The following PCMT1 variants were observed in gnomAD, a reference collection of about 807,000 sequenced individuals.
The protein encoded by PCMT1 is protein-L-isoaspartate(D-aspartate) O-methyltransferase.
A neutral mutation model predicts 29.2 loss-of-function variants in PCMT1; 9 were observed. The ratio of observed to expected loss-of-function variants is 0.31; its 90% CI spans 0.19 to 0.54. PCMT1 has a LOEUF of 0.54. PCMT1 is among the 20% of genes least tolerant of loss of function. The pLI is 0.95. For missense variants in PCMT1, 184 were observed against 282.2 expected (o/e 0.65, Z 2.49); for synonymous variants, 98 against 97.5 (o/e 1.00, Z -0.03).
At chr6:149,801,997 C>T (rs763917230) in intron 6 of PCMT1, among the ~76,000 whole-genome samples, 1 of 151,940 alleles carries the variant, frequency 6.6e-6, no homozygotes, top group Non-Finnish European at 1.5e-5. Flanking sequence ...GGCATGGTGG[C>T]GTGTGCCTGT....
intron 1 of PCMT1, among the ~76,000 whole-genome samples, chr6:149,758,881 T>C (rs11155679): frequency 0.31 from 47,060 of 151,922 alleles, 8,156 homozygotes; most frequent in East Asian, 0.49. Flanking sequence ...TGTGAATTTT[T>C]TTTTTCTTTT....
chr6:149,802,552 G>T, intron 7 of PCMT1, 136 bp downstream of exon 7: 1 of 1,234,554 alleles, frequency 8.1e-7, no homozygotes. Context: ...CCCTTATTTT[G>T]GTTTAACATA....
intron 3 of PCMT1, among the ~76,000 whole-genome samples, chr6:149,782,034 G>T (rs1176546564): frequency 6.6e-6 from 1 of 151,852 alleles, no homozygotes; most frequent in Non-Finnish European, 1.5e-5. Flanking sequence ...ATTTCACTTA[G>T]CATATGTCAT....
At chr6:149,800,586 T>C (rs1775798772) in intron 6 of PCMT1, among the ~76,000 whole-genome samples, 1 of 152,192 alleles carries the variant, frequency 6.6e-6, no homozygotes, top group Non-Finnish European at 1.5e-5. Context: ...GGTAACATGA[T>C]TTAAAAGTTT....
chr6:149,779,681 G>A (rs1787734905), intron 3 of PCMT1, among the ~76,000 whole-genome samples: 1 of 152,008 alleles, frequency 6.6e-6, no homozygotes, highest in South Asian at 2.1e-4. Flanking sequence ...GTGGTGGCAG[G>A]AGCCTATAAT....
chr6:149,797,841 G>A (rs1377879947), intron 6 of PCMT1: 2 of 151,990 alleles, frequency 1.3e-5, no homozygotes, highest in African/African-American at 2.4e-5. Context: ...CCAAGTGACT[G>A]GGAAAATGAC....
intron 1 of PCMT1, among the ~76,000 whole-genome samples, chr6:149,770,424 G>A (rs989960187): frequency 2.0e-5 from 3 of 151,982 alleles, no homozygotes; most frequent in African/African-American, 7.3e-5. Flanking sequence ...TAAAGACCAG[G>A]TTGGGCTGGG....
chr6:149,781,886 A>G (rs1299600953), intron 3 of PCMT1, among the ~76,000 whole-genome samples: 3 of 152,144 alleles, frequency 2.0e-5, no homozygotes, highest in Non-Finnish European at 4.4e-5. Flanking sequence ...ATTCAATAAC[A>G]ATTTCCCACT....
At chr6:149,804,159 T>C (rs1775940023) in intron 7 of PCMT1, among the ~76,000 whole-genome samples, 2 of 151,984 alleles carry the variant, frequency 1.3e-5, no homozygotes, top group South Asian at 2.1e-4. Context: ...GATGTAGTTA[T>C]TAACAACTAA....
At chr6:149,802,638 A>C in intron 7 of PCMT1, 1 of 367,792 alleles carries the variant, frequency 2.7e-6, no homozygotes, top group Non-Finnish European at 4.2e-6. Flanking sequence ...TTTTTTTTTT[A>C]GAGAGACTTT....
At chr6:149,771,673 T>C (rs9766214) in intron 2 of PCMT1, among the ~76,000 whole-genome samples, 80,962 of 151,904 alleles carry the variant, frequency 0.53, 24,762 homozygotes, top group East Asian at 0.83. Flanking sequence ...CATGCCACCA[T>C]GCCTGGCTAA....
At chr6:149,770,566 C>T (rs771632719) in intron 1 of PCMT1, among the ~76,000 whole-genome samples, 8 of 151,846 alleles carry the variant, frequency 5.3e-5, no homozygotes, top group Non-Finnish European at 1.0e-4. Context: ...ATTAGCTGGG[C>T]GTGGTGGCAT....
chr6:149,754,502 GCAGGGGTATTTAAAC>G (rs1423810804), intron 1 of PCMT1, among the ~76,000 whole-genome samples: 2 of 152,172 alleles, frequency 1.3e-5, no homozygotes, highest in Admixed American at 1.3e-4. Context: ...ATGTTCTGGA[GCAGGGGTATTTAAAC>G]CAGAGGGTTT....
At chr6:149,799,522 CTTTT>C (rs1788739603) in intron 6 of PCMT1, among the ~76,000 whole-genome samples, 1 of 152,174 alleles carries the variant, frequency 6.6e-6, no homozygotes, top group South Asian at 2.1e-4. Flanking sequence ...CCATCTCTTT[CTTTT>C]AATACATTCC....
intron 3 of PCMT1, among the ~76,000 whole-genome samples, chr6:149,781,183 CT>C (rs1787796663): frequency 1.6e-5 from 2 of 121,302 alleles, no homozygotes; most frequent in South Asian, 5.8e-4. Flanking sequence ...TCTCTTACCC[CT>C]TTCTTGTTTT....
intron 1 of PCMT1, among the ~76,000 whole-genome samples, chr6:149,752,186 A>G (rs1297654891): frequency 6.6e-6 from 1 of 151,172 alleles, no homozygotes. Flanking sequence ...GCCATGGTGA[A>G]TGTTTAGATG....
intron 1 of PCMT1, among the ~76,000 whole-genome samples, chr6:149,765,950 G>C (rs987430234): frequency 6.7e-6 from 1 of 149,964 alleles, no homozygotes; most frequent in African/African-American, 2.5e-5. Flanking sequence ...TGGGCAACAA[G>C]AGTGAAACTC....
chr6:149,786,496 G>T (rs1788092134), intron 3 of PCMT1, among the ~76,000 whole-genome samples: 7 of 135,598 alleles, frequency 5.2e-5, no homozygotes, highest in East Asian at 5.2e-4. Context: ...CTGCCAGGCG[G>T]AGGGGCTCCT....
chr6:149,780,810 G>T (rs2115278031), intron 3 of PCMT1, among the ~76,000 whole-genome samples: 1 of 152,234 alleles, frequency 6.6e-6, no homozygotes, highest in South Asian at 2.1e-4. Flanking sequence ...ATGCTGCAGT[G>T]AACATTTGTG....
Sources: allele counts gnomAD v4.1 joint callset (sites outside exome capture counted in the v4.1 genomes callset), GRCh38; gene constraint gnomAD v4.1.1; transcripts MANE v1.5; gene names NCBI Gene and HGNC (gene_info 2026-07-23, HGNC 2026-07-21).